Variants in AKNAD1 observed in about 807,000 individuals in gnomAD.
AKNAD1 encodes AKNA domain containing 1, also known as protein AKNAD1.
AKNAD1 carries 67 observed loss-of-function variants against 90.8 expected under a neutral mutation model. The observed-to-expected ratio is 0.74, with a 90% CI of 0.61 to 0.90. The LOEUF (loss-of-function observed/expected upper bound fraction) is 0.90. Among genes scored for constraint, AKNAD1 ranks in the 40% least tolerant of loss-of-function variants. The pLI is 0.00. For missense variants in AKNAD1, 957 were observed against 975.4 expected (o/e 0.98, Z 0.25); for synonymous variants, 327 against 341.4 (o/e 0.96, Z 0.46).
At chr1:108,838,865 A>C (rs1664455482) in intron 6 of AKNAD1, among the ~76,000 whole-genome samples, 1 of 152,132 alleles carries the variant, frequency 6.6e-6, no homozygotes, top group Non-Finnish European at 1.5e-5. Context: ...ATATGAAAAG[A>C]CCAACAACCA....
Position 108,852,663 on chromosome 1 carries a change from ATG to A in AKNAD1, c.-1_1del. 6.4e-7 allele frequency: 1 copy of A among 1,570,778 alleles called. No individual in the cohort carries two copies. Among genetic ancestry groups the A allele is most frequent in the African/African-American group, 1.4e-5 (1 of 73,540 alleles). On this transcript the variant is annotated start_lost and start_retained_variant and 5_prime_UTR_variant, in exon 2 of 16. Transcript: ENST00000370001. ...GTGTTCTGAAAAATCAGCCTCATCCATGTGTGTGCAGCCCGATCGCTCTCGTC... is the reference window on the plus strand; with the variant it reads ...GTGTTCTGAAAAATCAGCCTCATCCATGTGTGCAGCCCGATCGCTCTCGTC...
Position 108,852,735 on chromosome 1 carries a change from G to A in AKNAD1, c.-71C>T. 1 of 1,413,692 alleles carries A rather than the reference G, an allele frequency of 7.1e-7. No individual in the cohort carries two copies. The highest frequency in any genetic ancestry group is 1.4e-5 in the South Asian group (1 of 70,060). 87.6% of individuals were successfully genotyped at this position (1,413,692 alleles called of 1,614,324 possible). A position where few individuals can be genotyped will look rare whatever the true frequency, so the allele number is the denominator to read the frequency against. ...TGCTGTCAGTTGTAACAATAGCTCT[G>A]GTTCTCACTGACTGTCTTCACTGTG... On this transcript the variant is annotated 5_prime_UTR_variant, in exon 2 of 16. Transcript: ENST00000370001.
chr1:108,851,927 C>A lies in AKNAD1; in HGVS notation c.738G>T (p.Thr246=), dbSNP rs141141833. ...GAACTTGACCTTGGCCGTATTTGAA[C>A]GTGTTGCCTGAATTTGCTTTTTCAG... ...QQTEKANSGN[T]FKYGQGQVHY... is the part of the protein sequence containing the mutation. The change falls in exon 2 of 16, where the codon ACG becomes ACT. Residue 246 remains threonine (T), a synonymous_variant. Transcript: ENST00000370001. The A allele has an allele frequency of 6.2e-7, 1 of 1,614,188 alleles. No homozygotes were observed. Among genetic ancestry groups the A allele is most frequent in the Non-Finnish European group, 8.5e-7 (1 of 1,180,022 alleles).
At chr1:108,816,423 G>T (rs1423359714) in intron 15 of AKNAD1, 121 bp from the exon 16 acceptor site, 25 of 1,090,756 alleles carry the variant, frequency 2.3e-5, no homozygotes, top group Non-Finnish European at 2.9e-5. Flanking sequence ...TTTTCCTCTT[G>T]GTCTATTTCT....
At chr1:108,831,288 A>G (rs372820934) in intron 9 of AKNAD1, among the ~76,000 whole-genome samples, 1 of 152,234 alleles carries the variant, frequency 6.6e-6, no homozygotes, top group African/African-American at 2.4e-5. Flanking sequence ...AAATAAATGT[A>G]CTTTTCCCAT....
chr1:108,845,127 T>C (rs961276742), intron 5 of AKNAD1, among the ~76,000 whole-genome samples: 2 of 152,202 alleles, frequency 1.3e-5, no homozygotes, highest in African/African-American at 4.8e-5. Context: ...CCAATTCTTA[T>C]TAATATTAAA....
At chr1:108,851,043 C>A (rs755313000) in intron 2 of AKNAD1, among the ~76,000 whole-genome samples, 6 of 152,194 alleles carry the variant, frequency 3.9e-5, no homozygotes, top group Non-Finnish European at 8.8e-5. Context: ...AAGGGCATAA[C>A]GTACGTTAAG....
chr1:108,824,339 G>A (rs1018530888), intron 11 of AKNAD1, among the ~76,000 whole-genome samples: 12 of 152,274 alleles, frequency 7.9e-5, no homozygotes, highest in African/African-American at 2.2e-4. Flanking sequence ...GCAACATCTC[G>A]CTGCAGGACA....
intron 13 of AKNAD1, among the ~76,000 whole-genome samples, chr1:108,821,643 T>C (rs1267506190): frequency 6.6e-6 from 1 of 152,188 alleles, no homozygotes; most frequent in Non-Finnish European, 1.5e-5. Context: ...TCTTCAATTT[T>C]AGGAGTTAAG....
chr1:108,849,126 GA>G (rs1319132039), intron 3 of AKNAD1, 66 bp from the exon 4 acceptor site: 3 of 1,390,906 alleles, frequency 2.2e-6, no homozygotes, highest in Admixed American at 5.0e-5. Flanking sequence ...ATTAAGTACT[GA>G]AAACAGAAAG....
Position 108,835,779 on chromosome 1 carries a change from C to T in AKNAD1, c.1537-723G>A, listed in dbSNP as rs192153340. 3.9e-3 allele frequency among the ~76,000 whole-genome samples: 592 copies of T among 152,146 alleles called. 5 individuals carry two copies. The highest frequency in any genetic ancestry group is 0.014 in the African/African-American group (571 of 41,446). ...AGCTGGGATTACAGGCGCCCGCCAC[C>T]ACGCCCGGCTAATTTTTTGTATCTT... On this transcript the variant is annotated intron_variant, in intron 7 of 15. Coordinates refer to ENST00000370001, the MANE Select transcript of AKNAD1 (RefSeq NM_152763.5).
chr1:108,818,250 C>T (rs1018071117), intron 14 of AKNAD1, among the ~76,000 whole-genome samples: 1 of 152,190 alleles, frequency 6.6e-6, no homozygotes, highest in Non-Finnish European at 1.5e-5. Flanking sequence ...TTAAGCATTA[C>T]TTTGGTGCAT....
At position 108,830,654 on chromosome 1, in the gene AKNAD1, C is replaced by T. The variant is rs201555708; in HGVS notation, c.1747-4G>A. On this transcript the variant is annotated splice_polypyrimidine_tract_variant and splice_region_variant and intron_variant, in intron 9 of 15. Coordinates refer to ENST00000370001, the MANE Select transcript of AKNAD1 (RefSeq NM_152763.5). The stretch of plus-strand genomic sequence containing the variant: ...TTGGAGTGCCGTTGGGATCCTCCTG[C>T]GCCACAAAGCACACAGATGGAGATG... The T allele has an allele frequency of 5.6e-6, 9 of 1,613,946 alleles. No homozygotes were observed. The highest frequency in any genetic ancestry group is 3.3e-5 in the South Asian group (3 of 91,082).
rs758310920 is a variant in AKNAD1 at position 108,834,539 on chromosome 1, A to G, written c.1665-11T>C. 9.5e-6 allele frequency: 15 copies of G among 1,581,116 alleles called. No individual in the cohort carries two copies. The highest frequency in any genetic ancestry group is 1.0e-5 in the Non-Finnish European group (12 of 1,164,620). On this transcript the variant is annotated splice_polypyrimidine_tract_variant and intron_variant, in intron 8 of 15. Transcript: ENST00000370001. ...TGACCGTTTAGGTAACTAATTTAAAAAAAAAAAAAGCAGTTTGAATGTTAG... is the reference window on the plus strand; with the variant it reads ...TGACCGTTTAGGTAACTAATTTAAAGAAAAAAAAAGCAGTTTGAATGTTAG...
intron 6 of AKNAD1, among the ~76,000 whole-genome samples, chr1:108,840,314 C>T (rs1043808513): frequency 1.3e-5 from 2 of 152,052 alleles, no homozygotes; most frequent in African/African-American, 4.8e-5. Flanking sequence ...CCTATGACAT[C>T]AATTAGAGAA....
At position 108,820,646 on chromosome 1, in the gene AKNAD1, A is replaced by G; in HGVS notation, c.2168-20T>C. 2.0e-6 allele frequency: 3 copies of G among 1,523,954 alleles called. No homozygotes were observed. Among genetic ancestry groups the G allele is most frequent in the Middle Eastern group, 1.8e-4 (1 of 5,466 alleles). The allele number at this position is 1,523,954 out of a possible 1,614,324, so 94.4% of individuals were successfully genotyped here. ...AAAAAGCTGAAAAATGTTAGCTATC[A>G]TTAAATTCAGAGTATCAAAAATGAG... On this transcript the variant is annotated intron_variant, in intron 13 of 15. Transcript: ENST00000370001.
In AKNAD1 at chr1:108,828,576, C is replaced by T. The variant is rs150846434; in HGVS notation, c.1839-1274G>A. On this transcript the variant is annotated intron_variant, in intron 10 of 15. Coordinates refer to ENST00000370001, the MANE Select transcript of AKNAD1 (RefSeq NM_152763.5). ...GGTTTGAGCCCAAGGCATTGCTGGG[C>T]AAACACATGCTCGCCGCGCTGTGCC... 1.0e-3 allele frequency among the ~76,000 whole-genome samples: 153 copies of T among 151,954 alleles called. 2 individuals carry two copies. Among genetic ancestry groups the T allele is most frequent in the African/African-American group, 3.6e-3 (148 of 41,554 alleles).
chr1:108,824,930 C>T lies in AKNAD1; in HGVS notation c.1937-1242G>A, dbSNP rs1052754014. ...CTCACTTCTAACAAATAAAATAAAG[C>T]GGTAGTGATGGCATATAACTTCCAA... On this transcript the variant is annotated intron_variant, in intron 11 of 15. Transcript: ENST00000370001. 5.3e-5 allele frequency among the ~76,000 whole-genome samples: 8 copies of T among 151,666 alleles called. No homozygotes were observed. The East Asian group carries it at 7.9e-4, about 15-fold the overall frequency.
intron 5 of AKNAD1, among the ~76,000 whole-genome samples, chr1:108,844,288 A>G (rs1365807129): frequency 2.0e-5 from 3 of 152,086 alleles, no homozygotes; most frequent in Admixed American, 6.5e-5. Context: ...ACTTGAGCCC[A>G]GGAGGCAGAG....
Sources: allele counts gnomAD v4.1 joint callset (sites outside exome capture counted in the v4.1 genomes callset), GRCh38; gene constraint gnomAD v4.1.1; transcripts MANE v1.5; gene names NCBI Gene and HGNC (gene_info 2026-07-23, HGNC 2026-07-21).